The following RPS4X variants were observed in gnomAD, a reference collection of about 807,000 sequenced individuals.
RPS4X encodes the protein small ribosomal subunit protein eS4, X isoform.
For synonymous variants in RPS4X, 76 were observed against 76.8 expected, an observed-to-expected ratio of 0.99 and a Z score of 0.06; for missense variants, 90 against 219.1, an observed-to-expected ratio of 0.41 and a Z score of 3.72.
intron 1 of RPS4X, among the ~76,000 whole-genome samples, chrX:72,276,551 G>C (rs2043205121): frequency 8.9e-6 from 1 of 111,880 alleles, no homozygotes; most frequent in Non-Finnish European, 1.9e-5. Flanking sequence ...TTAGAGGTTA[G>C]GGTCTTTCAA....
intron 1 of RPS4X, among the ~76,000 whole-genome samples, chrX:72,276,884 C>T (rs1179548459): frequency 8.9e-6 from 1 of 112,760 alleles, no homozygotes; most frequent in Non-Finnish European, 1.9e-5. Flanking sequence ...CAACCTCGGG[C>T]TCGCAGTCTG....
At chrX:72,276,013 A>C in intron 2 of RPS4X, 144 bp downstream of exon 2, 1 of 512,877 alleles carries the variant, frequency 1.9e-6, no homozygotes, top group Non-Finnish European at 3.4e-6. Flanking sequence ...AATCGATTGG[A>C]AGTGGAGGAC....
rs1602468655 is a variant in RPS4X, at chrX:72,273,153, A to G, written c.690+79T>C. On this transcript the variant is annotated intron_variant, in intron 6 of 6. Coordinates refer to ENST00000316084, the MANE Select transcript of RPS4X (RefSeq NM_001007.5). ...ACTAGGTTCAGCAGAGCCAGCCAGG[A>G]GCCTGGATGCTACAATCCCAGCAGC... 10 of 983,965 alleles carry G rather than the reference A, an allele frequency of 1.0e-5. No individual in the cohort carries two copies. The African/African-American group carries it at 1.7e-4, about 17-fold the overall frequency. 81.1% of individuals were successfully genotyped at this position (983,965 alleles called of 1,213,427 possible). A position where few individuals can be genotyped will look rare whatever the true frequency, so the allele number is the denominator to read the frequency against.
Position 72,272,159 on chromosome X carries a change from G to A in RPS4X, c.*512C>T, listed in dbSNP as rs753191702. On this transcript the variant is annotated 3_prime_UTR_variant, in exon 7 of 7. Transcript: ENST00000316084. ...TAAGTCCAAGGAACTGCAATGCTTT[G>A]CAACATCAACAGCCCATTTATGACC... 1 of 113,171 alleles carries A rather than the reference G, an allele frequency of 8.8e-6. No individual in the cohort carries two copies. The highest frequency in any genetic ancestry group is 1.9e-5 in the Non-Finnish European group (1 of 53,776). The allele number at this position is 113,171 out of a possible 1,213,427, so 9.3% of individuals were successfully genotyped here.
rs775052312 is a variant in RPS4X at position 72,274,075 on chromosome X, C to G, written c.361-103G>C. On this transcript the variant is annotated intron_variant, in intron 4 of 6. Transcript: ENST00000316084. The stretch of plus-strand genomic sequence containing the variant: ...CCTAACTGCTGCAGATTAATTGTGA[C>G]GCTGATCGTTCTTTCCACCCTCAAG... 3 of 715,546 alleles carry G rather than the reference C, an allele frequency of 4.2e-6. No individual in the cohort carries two copies. In the South Asian group the frequency reaches 7.3e-5, roughly 17 times the overall value. The allele number at this position is 715,546 out of a possible 1,213,427, so 59.0% of individuals were successfully genotyped here.
intron 4 of RPS4X, 173 bp downstream of exon 4, chrX:72,274,880 C>A: frequency 2.5e-6 from 1 of 408,002 alleles, no homozygotes; most frequent in Non-Finnish European, 4.4e-6. Context: ...AATAACATGA[C>A]AAAAAGTTAC....
intron 5 of RPS4X, 110 bp from the exon 6 acceptor site, chrX:72,273,499 A>C (rs1464957192): frequency 9.9e-6 from 8 of 805,568 alleles, no homozygotes; most frequent in Non-Finnish European, 1.4e-5. Context: ...GAATTTCCTC[A>C]TATGGAACTG....
rs750360329 is a variant in RPS4X at position 72,272,386 on chromosome X, C to T, written c.*285G>A. On this transcript the variant is annotated 3_prime_UTR_variant, in exon 7 of 7. Transcript: ENST00000316084. ...AGAGAAGTTCTTGGCCAAGTCAAGG[C>T]GGGGGAGATAAATACTCCGGGATTT... is the stretch of plus-strand genomic sequence containing the variant. The T allele has an allele frequency of 7.4e-6, 2 of 269,698 alleles. No individual in the cohort carries two copies. The highest frequency in any genetic ancestry group is 6.6e-5 in the East Asian group (1 of 15,175). The allele number at this position is 269,698 out of a possible 1,213,427, so 22.2% of individuals were successfully genotyped here. A position where few individuals can be genotyped will look rare whatever the true frequency, so the allele number is the denominator to read the frequency against.
chrX:72,276,633 CAATT>C (rs2043205515), intron 1 of RPS4X, among the ~76,000 whole-genome samples: 1 of 112,106 alleles, frequency 8.9e-6, no homozygotes, highest in South Asian at 3.7e-4. Context: ...AAAGTTTTCA[CAATT>C]TATTACCGTC....
rs779474765 is a variant in RPS4X, at chrX:72,277,137, G to A, written c.3+56C>T. 1.7e-4 allele frequency: 209 copies of A among 1,198,838 alleles called. 1 individual carries two copies. The South Asian group carries it at 3.5e-3, about 20-fold the overall frequency. On this transcript the variant is annotated intron_variant, in intron 1 of 6. Transcript: ENST00000316084. Reference sequence around the variant, plus strand: ...AATCCCGAAACCTCGGGCAGCCCCGGCCGGGGGAGGATGGAGGCGGATACG... The same window carrying A: ...AATCCCGAAACCTCGGGCAGCCCCGACCGGGGGAGGATGGAGGCGGATACG...
chrX:72,277,109 A>C, intron 1 of RPS4X, 84 bp downstream of exon 1: 1 of 1,089,215 alleles, frequency 9.2e-7, no homozygotes. Context: ...CATCCCCAGT[A>C]GGAATCCCGA....
rs200921922 is a variant in RPS4X, at chrX:72,274,980, C to CT, written c.360+72dup. 1,671 of 636,558 alleles carry CT rather than the reference C, an allele frequency of 2.6e-3. 21 individuals are homozygous for CT. The African/African-American group carries it at 0.029, about 11-fold the overall frequency. The allele number at this position is 636,558 out of a possible 1,213,427, so 52.5% of individuals were successfully genotyped here. A position where few individuals can be genotyped will look rare whatever the true frequency, so the allele number is the denominator to read the frequency against. On this transcript the variant is annotated intron_variant, in intron 4 of 6. Coordinates refer to ENST00000316084, the MANE Select transcript of RPS4X (RefSeq NM_001007.5). Reference sequence around the variant, plus strand: ...AATACCCACCTCATTGCAAGCAGCACTCGTACTCAATGCAGGCCCTTAGAA... The same window carrying CT: ...AATACCCACCTCATTGCAAGCAGCACTTCGTACTCAATGCAGGCCCTTAGAA...
Position 72,275,146 on chromosome X carries a change from G to A in RPS4X, c.267C>T (p.Val89=). ...TCTCTCCCGTCTTGTCAATGCTGAT[G>A]ACATCTGAAATCAAGCAGTAACCGG... ...DITYPAGFMD[V]ISIDKTGENF... Residue 89 remains valine, a synonymous_variant, in exon 4 of 7, where the codon GTC becomes GTT. Transcript: ENST00000316084. The A allele has an allele frequency of 8.4e-7, 1 of 1,186,814 alleles. No individual in the cohort carries two copies. Among genetic ancestry groups the A allele is most frequent in the Non-Finnish European group, 1.1e-6 (1 of 873,908 alleles).
intron 2 of RPS4X, 69 bp downstream of exon 2, chrX:72,276,088 G>A (rs1351653180): frequency 1.1e-6 from 1 of 879,012 alleles, no homozygotes; most frequent in African/African-American, 2.0e-5. Context: ...CCCCTAGCCT[G>A]GTCCCCAAAT....
chrX:72,275,456 A>T, intron 3 of RPS4X, 88 bp downstream of exon 3: 1 of 759,463 alleles, frequency 1.3e-6, no homozygotes, highest in Non-Finnish European at 2.0e-6. Flanking sequence ...TTGACAGATT[A>T]CAAAGGTTAG....
intron 6 of RPS4X, 112 bp from the exon 7 acceptor site, chrX:72,272,884 T>G: frequency 1.8e-6 from 1 of 541,556 alleles, no homozygotes; most frequent in East Asian, 3.6e-5. Flanking sequence ...TTTGTGAGAG[T>G]GCTTGGCATC....
rs73624228 is a variant in RPS4X, at chrX:72,274,822, C to T, written c.360+231G>A. On this transcript the variant is annotated intron_variant, in intron 4 of 6. Transcript: ENST00000316084. Reference sequence around the variant, plus strand: ...TGAGGAAGTTAACTTCAAATGGGGGCCAATTTTAGGTATCCATCAATGCCC... The same window carrying T: ...TGAGGAAGTTAACTTCAAATGGGGGTCAATTTTAGGTATCCATCAATGCCC... 2,028 of 345,619 alleles carry T rather than the reference C, an allele frequency of 5.9e-3. 11 individuals are homozygous for T. Among genetic ancestry groups the T allele is most frequent in the Middle Eastern group, 0.021 (26 of 1,212 alleles). The allele number at this position is 345,619 out of a possible 1,213,427, so 28.5% of individuals were successfully genotyped here.
At chrX:72,275,891 A>C (rs1197187851) in intron 2 of RPS4X, among the ~76,000 whole-genome samples, 167 bp from the exon 3 acceptor site, 1 of 111,601 alleles carries the variant, frequency 9.0e-6, no homozygotes, top group Admixed American at 9.5e-5. Context: ...TCATACCTTA[A>C]AGTTTTATAG....
rs148979950 is a variant in RPS4X at position 72,273,539 on chromosome X, G to C, written c.533-150C>G. On this transcript the variant is annotated intron_variant, in intron 5 of 6. Transcript: ENST00000316084. ...CTATGCTAGGACTCCCGGGACTCTC[G>C]TAAGAAATTTTGTGGCCAGGCTTGG... is the stretch of plus-strand genomic sequence containing the variant. 562 of 657,642 alleles carry C rather than the reference G, an allele frequency of 8.5e-4. 1 individual carries two copies. The East Asian group carries it at 9.5e-3, about 11-fold the overall frequency. 54.2% of individuals were successfully genotyped at this position (657,642 alleles called of 1,213,427 possible).
Sources: allele counts gnomAD v4.1 joint callset (sites outside exome capture counted in the v4.1 genomes callset), GRCh38; gene constraint gnomAD v4.1.1; transcripts MANE v1.5; gene names NCBI Gene and HGNC (gene_info 2026-07-23, HGNC 2026-07-21).